ZDHHC4: variants seen among roughly 807,000 people sequenced by gnomAD.
ZDHHC4 encodes the protein palmitoyltransferase ZDHHC4.
Under a neutral mutation model 36.7 loss-of-function variants are expected in ZDHHC4, and 42 were observed. That is an observed-to-expected ratio of 1.14 (90% CI 0.89 to 1.48). The LOEUF (loss-of-function observed/expected upper bound fraction) is 1.48. Ranked by LOEUF, ZDHHC4 falls within the 40% of genes most tolerant of loss-of-function variation. The pLI, the probability that ZDHHC4 is intolerant of heterozygous loss-of-function variation, is 0.00. For synonymous variants in ZDHHC4, 189 were observed against 166.6 expected (o/e 1.13, Z -1.03); for missense variants, 457 against 421.5 (o/e 1.08, Z -0.74).
intron 1 of ZDHHC4, 58 bp downstream of exon 1, chr7:6,577,556 C>T (rs1010382349): frequency 2.6e-5 from 4 of 152,274 alleles, no homozygotes; most frequent in Non-Finnish European, 4.4e-5. Context: ...CCGTCAGTCT[C>T]CTCCTCTGAC....
intron 5 of ZDHHC4, among the ~76,000 whole-genome samples, chr7:6,582,686 T>A (rs987985330): frequency 1.3e-5 from 2 of 151,944 alleles, no homozygotes; most frequent in African/African-American, 4.8e-5. Flanking sequence ...CCCAGCTGAT[T>A]TTTGTATTTT....
rs537318494 is a variant in ZDHHC4 at position 6,582,427 on chromosome 7, T to A, written c.370+176T>A. 493 of 628,244 alleles carry A rather than the reference T, an allele frequency of 7.8e-4. 2 individuals carry two copies. In the African/African-American group the frequency reaches 8.6e-3, roughly 11 times the overall value. 38.9% of individuals were successfully genotyped at this position (628,244 alleles called of 1,614,324 possible). ...TTTTTTTTCTTCTTCAACCCATGGGTTATTTAAAACCACTTAAAATTTTTA... is the reference window on the plus strand; with the variant it reads ...TTTTTTTTCTTCTTCAACCCATGGGATATTTAAAACCACTTAAAATTTTTA... On this transcript the variant is annotated intron_variant, in intron 5 of 7. Transcript: ENST00000335965.
chr7:6,580,496 T>G, intron 2 of ZDHHC4, 59 bp from the exon 3 acceptor site: 1 of 1,386,390 alleles, frequency 7.2e-7, no homozygotes, highest in Non-Finnish European at 1.0e-6. Flanking sequence ...TCTGAGAATG[T>G]GTGCCATGGA....
Position 6,577,479 on chromosome 7 carries a change from C to T in ZDHHC4, c.-182C>T, listed in dbSNP as rs968726530. The T allele has an allele frequency of 6.6e-6, 1 of 152,198 alleles. No individual in the cohort carries two copies. Among genetic ancestry groups the T allele is most frequent in the Non-Finnish European group, 1.5e-5 (1 of 68,042 alleles). The allele number at this position is 152,198 out of a possible 1,614,324, so 9.4% of individuals were successfully genotyped here. Reference sequence around the variant, plus strand: ...AGTCTCGTATCGCGCCCGGGAGGCGCCGGAGCCCAGCGGCTGGCGGTAAGG... The same window carrying T: ...AGTCTCGTATCGCGCCCGGGAGGCGTCGGAGCCCAGCGGCTGGCGGTAAGG... On this transcript the variant is annotated 5_prime_UTR_variant, in exon 1 of 8. Coordinates refer to ENST00000335965, the MANE Select transcript of ZDHHC4 (RefSeq NM_001134389.2).
In ZDHHC4 at chr7:6,585,036, C is replaced by T; in HGVS notation, c.517C>T (p.His173Tyr). 1.2e-6 allele frequency: 2 copies of T among 1,614,122 alleles called. No homozygotes were observed. The highest frequency in any genetic ancestry group is 1.7e-6 in the Non-Finnish European group (2 of 1,180,010). Residue 173 changes from histidine to tyrosine, a missense_variant, in exon 7 of 8, where the codon CAC (histidine) becomes TAC (tyrosine). Transcript: ENST00000335965. ...TGCAGGTGTGTGTAACTGGTGTGTG[C>T]ACCGTTTCGACCATCACTGTGTTTG... The part of the protein sequence containing the change: ...KHCSVCNWCV[H>Y]RFDHHCVWVN...
At chr7:6,582,409 TC>T in intron 5 of ZDHHC4, 158 bp downstream of exon 5, 6 of 732,456 alleles carry the variant, frequency 8.2e-6, no homozygotes, top group Middle Eastern at 4.0e-4. Flanking sequence ...ATTTTTTTTT[TC>T]TTCTTCAACC....
intron 7 of ZDHHC4, 84 bp downstream of exon 7, chr7:6,585,344 T>C: frequency 1.3e-6 from 2 of 1,534,232 alleles, no homozygotes; most frequent in Admixed American, 3.8e-5. Flanking sequence ...TGAAGTTAGG[T>C]GGGGTGTGGT....
intron 7 of ZDHHC4, among the ~76,000 whole-genome samples, chr7:6,586,043 C>G (rs912060257): frequency 1.3e-5 from 2 of 151,956 alleles, no homozygotes; most frequent in Admixed American, 1.3e-4. Flanking sequence ...GTCCCAGCTA[C>G]TCGGGAGGCC....
chr7:6,584,508 A>G (rs1781087508), intron 6 of ZDHHC4, among the ~76,000 whole-genome samples: 1 of 152,230 alleles, frequency 6.6e-6, no homozygotes, highest in African/African-American at 2.4e-5. Flanking sequence ...TTTTAAAACT[A>G]TGTCTATCCA....
At chr7:6,581,560 A>T (rs775552307) in intron 3 of ZDHHC4, 47 bp from the exon 4 acceptor site, 1 of 1,449,354 alleles carries the variant, frequency 6.9e-7, no homozygotes. Context: ...TTGGGAGTGG[A>T]GGAAGTGAGA....
chr7:6,580,741 G>GT, intron 3 of ZDHHC4, 63 bp downstream of exon 3: 1 of 1,512,044 alleles, frequency 6.6e-7, no homozygotes, highest in Non-Finnish European at 9.2e-7. Context: ...AGACTCACAG[G>GT]TTTTGCTACA....
At chr7:6,584,109 G>T (rs1049037337) in intron 6 of ZDHHC4, 2 of 151,916 alleles carry the variant, frequency 1.3e-5, no homozygotes, top group African/African-American at 4.8e-5. Context: ...ATGTGGCTGT[G>T]CTTGGAGACA....
rs547883455 is a variant in ZDHHC4 at position 6,581,560 on chromosome 7, AG to A, written c.118-45del. On this transcript the variant is annotated intron_variant, in intron 3 of 7. Transcript: ENST00000335965. ...GAGTGTCTGATTTGTTTGGGAGTGG[AG>A]GAAGTGAGAAATGAAATTGAGTCTT... is the stretch of plus-strand genomic sequence containing the variant. 1.3e-3 allele frequency: 1,882 copies of A among 1,449,326 alleles called. 39 individuals are homozygous for A. In the South Asian group the frequency reaches 0.021, roughly 16 times the overall value. 89.8% of individuals were successfully genotyped at this position (1,449,326 alleles called of 1,614,324 possible). A position where few individuals can be genotyped will look rare whatever the true frequency, so the allele number is the denominator to read the frequency against.
intron 3 of ZDHHC4, chr7:6,580,997 T>C (rs1780807159): frequency 3.0e-6 from 1 of 336,404 alleles, no homozygotes; most frequent in Non-Finnish European, 5.6e-6. Flanking sequence ...CCACAGCCTC[T>C]GTCTGTGTGG....
At chr7:6,586,596 C>G (rs1206078328) in intron 7 of ZDHHC4, among the ~76,000 whole-genome samples, 1 of 152,174 alleles carries the variant, frequency 6.6e-6, no homozygotes, top group Non-Finnish European at 1.5e-5. Context: ...CTGCCTCAGT[C>G]TCCCGTGTAG....
intron 2 of ZDHHC4, among the ~76,000 whole-genome samples, chr7:6,579,224 G>A (rs1049163339): frequency 1.4e-5 from 2 of 147,374 alleles, no homozygotes; most frequent in African/African-American, 5.0e-5. Context: ...TTTTTGAAAC[G>A]GAGTCTCGCT....
intron 6 of ZDHHC4, 58 bp downstream of exon 6, chr7:6,583,489 T>C (rs1289306339): frequency 1.4e-5 from 22 of 1,563,822 alleles, no homozygotes; most frequent in Non-Finnish European, 1.9e-5. Flanking sequence ...GTGGGCTTCG[T>C]CTGTGAGGGA....
At chr7:6,577,869 G>C (rs1486556705) in intron 1 of ZDHHC4, 4 of 152,164 alleles carry the variant, frequency 2.6e-5, no homozygotes, top group Non-Finnish European at 2.9e-5. Flanking sequence ...TTTCGCTCTT[G>C]TTTCCCAGGC....
chr7:6,585,309 G>T (rs1441370710), intron 7 of ZDHHC4, 49 bp downstream of exon 7: 2 of 1,592,300 alleles, frequency 1.3e-6, no homozygotes, highest in African/African-American at 1.3e-5. Flanking sequence ...TCGCAAAAAA[G>T]ACATTTATTT....
Sources: allele counts gnomAD v4.1 joint callset (sites outside exome capture counted in the v4.1 genomes callset), GRCh38; gene constraint gnomAD v4.1.1; transcripts MANE v1.5; gene names NCBI Gene and HGNC (gene_info 2026-07-23, HGNC 2026-07-21).